The following SHQ1 variants were observed in gnomAD, a reference collection of about 807,000 sequenced individuals.
The protein encoded by SHQ1 is protein SHQ1 homolog.
SHQ1 carries 49 observed loss-of-function variants against 53.8 expected under a neutral mutation model. The observed-to-expected ratio is 0.91, with a 90% CI of 0.72 to 1.16. The LOEUF (loss-of-function observed/expected upper bound fraction) is 1.16. Among genes scored for constraint, SHQ1 ranks in the 50% most tolerant of loss-of-function variants. The pLI, the probability that SHQ1 is intolerant of heterozygous loss-of-function variation, is 0.00. For missense variants in SHQ1, 738 were observed against 683.1 expected (o/e 1.08, Z -0.90); for synonymous variants, 243 against 251.0 (o/e 0.97, Z 0.30).
At chr3:72,781,041 C>A (rs1575687709) in intron 10 of SHQ1, among the ~76,000 whole-genome samples, 1 of 148,756 alleles carries the variant, frequency 6.7e-6, no homozygotes, top group African/African-American at 2.5e-5. Context: ...GCACTCAAGG[C>A]AATTTTCTTC....
At chr3:72,793,101 A>G in intron 9 of SHQ1, 65 bp from the exon 10 acceptor site, 1 of 1,402,048 alleles carries the variant, frequency 7.1e-7, no homozygotes, top group Non-Finnish European at 9.9e-7. Context: ...CTGAGAGGTA[A>G]TATATCTAAA....
chr3:72,789,764 T>C (rs987125544), intron 10 of SHQ1, among the ~76,000 whole-genome samples: 1 of 152,180 alleles, frequency 6.6e-6, no homozygotes, highest in Non-Finnish European at 1.5e-5. Context: ...ATTCCTACAA[T>C]ATAAGGCAGG....
intron 1 of SHQ1, chr3:72,846,510 C>T: frequency 1.9e-6 from 1 of 532,158 alleles, no homozygotes; most frequent in Non-Finnish European, 3.3e-6. Flanking sequence ...GTTGGTCAGG[C>T]CGGTCTCAAA....
intron 4 of SHQ1, among the ~76,000 whole-genome samples, chr3:72,834,585 T>C (rs892850781): frequency 2.6e-5 from 4 of 152,222 alleles, no homozygotes; most frequent in Admixed American, 6.5e-5. Context: ...TGTTGTCAAG[T>C]ACAAACATTC....
At chr3:72,739,473 C>T in the SHQ1 span, among the ~76,000 whole-genome samples, 6 of 152,234 alleles carry the variant, frequency 3.9e-5, no homozygotes, top group African/African-American at 1.4e-4. Context: ...TGGTAGAGAG[C>T]ACGGGCTGCA....
At chr3:72,764,522 AT>A (rs1368333974) in intron 10 of SHQ1, among the ~76,000 whole-genome samples, 4 of 152,226 alleles carry the variant, frequency 2.6e-5, no homozygotes, top group Non-Finnish European at 4.4e-5. Flanking sequence ...GTCTACCAGA[AT>A]ACCCTTAAAT....
the SHQ1 span, among the ~76,000 whole-genome samples, chr3:72,731,423 T>C: frequency 4.9e-4 from 75 of 151,544 alleles, 1 homozygote; most frequent in Non-Finnish European, 2.2e-4. Flanking sequence ...CGGTGGCACA[T>C]GCCTGTAATC....
At chr3:72,790,586 A>G (rs1270108894) in intron 10 of SHQ1, among the ~76,000 whole-genome samples, 1 of 152,214 alleles carries the variant, frequency 6.6e-6, no homozygotes, top group Non-Finnish European at 1.5e-5. Context: ...AAAATCATGG[A>G]TCTACACTGC....
At chr3:72,763,619 TCCA>T in intron 10 of SHQ1, among the ~76,000 whole-genome samples, 1 of 152,298 alleles carries the variant, frequency 6.6e-6, no homozygotes, top group South Asian at 2.1e-4. Flanking sequence ...AGGACCTCAG[TCCA>T]CCAACTGGTG....
chr3:72,727,225 G>C, the SHQ1 span, among the ~76,000 whole-genome samples: 1 of 152,136 alleles, frequency 6.6e-6, no homozygotes, highest in Non-Finnish European at 1.5e-5. Flanking sequence ...GCCAAGGGGG[G>C]TTTGAGGCTC....
At chr3:72,819,779 T>C (rs1191163864) in intron 6 of SHQ1, among the ~76,000 whole-genome samples, 1 of 152,320 alleles carries the variant, frequency 6.6e-6, no homozygotes, top group Non-Finnish European at 1.5e-5. Context: ...AAACTGAGTG[T>C]TGACTGCCTC....
At position 72,841,233 on chromosome 3, in the gene SHQ1, T is replaced by C. The variant is rs1241797360; in HGVS notation, c.332-34A>G. ...GTTAAATTTTAATTTTTTTTAAGTA[T>C]TGGATTTAAGTACAACTAGGGGAAG... On this transcript the variant is annotated intron_variant, in intron 3 of 10. Coordinates refer to ENST00000325599, the MANE Select transcript of SHQ1 (RefSeq NM_018130.3). 5.7e-6 allele frequency: 9 copies of C among 1,567,614 alleles called. No homozygotes were observed. In the Admixed American group the frequency reaches 9.3e-5, roughly 16 times the overall value.
chr3:72,787,730 C>T (rs1706281328), intron 10 of SHQ1, among the ~76,000 whole-genome samples: 2 of 152,044 alleles, frequency 1.3e-5, no homozygotes, highest in African/African-American at 2.4e-5. Context: ...CCTCCCTCTC[C>T]CCTCTCCCTT....
chr3:72,740,493 T>C, the SHQ1 span, among the ~76,000 whole-genome samples: 1 of 152,246 alleles, frequency 6.6e-6, no homozygotes, highest in East Asian at 1.9e-4. Context: ...TCCATTCTAC[T>C]GCTGGACTTT....
intron 10 of SHQ1, among the ~76,000 whole-genome samples, chr3:72,788,887 G>A (rs912511142): frequency 4.6e-5 from 7 of 151,996 alleles, no homozygotes; most frequent in South Asian, 2.1e-4. Flanking sequence ...CAGCATACTC[G>A]TTAAGAGTCA....
At chr3:72,813,071 T>C (rs1162679179) in intron 8 of SHQ1, among the ~76,000 whole-genome samples, 2 of 152,222 alleles carry the variant, frequency 1.3e-5, no homozygotes, top group Non-Finnish European at 2.9e-5. Context: ...AATAAGAATC[T>C]AAAACACATG....
chr3:72,801,142 A>T (rs1378821883), intron 9 of SHQ1, among the ~76,000 whole-genome samples: 1 of 54,592 alleles, frequency 1.8e-5, no homozygotes. Flanking sequence ...GTAGAACATT[A>T]AAAAAAAAAA....
At chr3:72,772,937 A>C in intron 10 of SHQ1, 2 of 875,346 alleles carry the variant, frequency 2.3e-6, no homozygotes, top group Non-Finnish European at 3.9e-6. Flanking sequence ...GACCAGCATG[A>C]AGAATCGGAA....
chr3:72,743,092 A>C, the SHQ1 span, among the ~76,000 whole-genome samples: 1 of 152,146 alleles, frequency 6.6e-6, no homozygotes. Flanking sequence ...CCAGAATGAA[A>C]AGTCGGCAGC....
Sources: gnomAD v4.1 joint callset for allele counts (sites outside exome capture counted in the v4.1 genomes callset) on GRCh38, gnomAD v4.1.1 for gene constraint, MANE v1.5 for transcripts, NCBI Gene and HGNC (gene_info 2026-07-23, HGNC 2026-07-21) for gene names.